The following FRMPD4 variants were observed in gnomAD, a reference collection of about 807,000 sequenced individuals.
The protein encoded by FRMPD4 is FERM and PDZ domain containing 4.
Under a neutral mutation model 94.1 loss-of-function variants are expected in FRMPD4, and 22 were observed. The observed-to-expected ratio is 0.23, with a 90% CI of 0.17 to 0.33. The LOEUF is 0.33. FRMPD4 is among the 10% of genes least tolerant of loss of function. The pLI is 1.00. For synonymous variants in FRMPD4, 631 were observed against 548.6 expected (o/e 1.15, Z -2.10); for missense variants, 1,111 against 1,339.9 (o/e 0.83, Z 2.67).
intron 1 of FRMPD4, among the ~76,000 whole-genome samples, chrX:12,392,389 G>A (rs1023623887): frequency 2.9e-5 from 3 of 102,360 alleles, no homozygotes; most frequent in Admixed American, 1.0e-4. Flanking sequence ...GGTGGCTCAC[G>A]CCTGTAATCC....
chrX:12,136,390 A>G (rs1262549763), upstream of FRMPD4, among the ~76,000 whole-genome samples: 1 of 111,130 alleles, frequency 9.0e-6, no homozygotes. Flanking sequence ...TGGGTGATAA[A>G]TGCTATGGAA....
intron 4 of FRMPD4, among the ~76,000 whole-genome samples, chrX:12,628,055 C>G (rs2059362463): frequency 9.0e-6 from 1 of 111,120 alleles, no homozygotes; most frequent in Admixed American, 9.6e-5. Flanking sequence ...ACCTTATTGC[C>G]TAGAGAGAAC....
At chrX:12,468,208 G>T (rs2057469914) in intron 1 of FRMPD4, among the ~76,000 whole-genome samples, 1 of 111,672 alleles carries the variant, frequency 9.0e-6, no homozygotes, top group Non-Finnish European at 1.9e-5. Context: ...AGGAGGATTT[G>T]CCTTACTTTA....
At chrX:12,542,334 C>A (rs778925824) in intron 2 of FRMPD4, among the ~76,000 whole-genome samples, 2 of 112,057 alleles carry the variant, frequency 1.8e-5, no homozygotes, top group East Asian at 2.8e-4. Flanking sequence ...GTATATTAGA[C>A]AACCCCATTA....
intron 1 of FRMPD4, among the ~76,000 whole-genome samples, chrX:12,165,581 G>T (rs1016898650): frequency 8.9e-6 from 1 of 111,895 alleles, no homozygotes; most frequent in Non-Finnish European, 1.9e-5. Flanking sequence ...TTCCAATTCT[G>T]TGAAGAAAGT....
intron 1 of FRMPD4, among the ~76,000 whole-genome samples, chrX:12,331,615 ATATAT>A (rs1340481160): frequency 1.8e-4 from 15 of 84,323 alleles, no homozygotes; most frequent in African/African-American, 4.9e-4. Context: ...AATATAATAT[ATATAT>A]TATATTACAT....
intron 1 of FRMPD4, among the ~76,000 whole-genome samples, chrX:12,451,956 A>C (rs1173917570): frequency 9.1e-6 from 1 of 110,143 alleles, no homozygotes; most frequent in Non-Finnish European, 1.9e-5. Context: ...CTACCTTTCT[A>C]CTATTCTCTA....
At chrX:12,229,362 TA>T (rs1180592859) in intron 1 of FRMPD4, among the ~76,000 whole-genome samples, 4 of 112,012 alleles carry the variant, frequency 3.6e-5, no homozygotes, top group Non-Finnish European at 5.6e-5. Context: ...GAGAGGAATA[TA>T]CTTATGTCAT....
At chrX:12,164,960 G>A (rs922741056) in intron 1 of FRMPD4, among the ~76,000 whole-genome samples, 10 of 112,139 alleles carry the variant, frequency 8.9e-5, no homozygotes, top group Non-Finnish European at 1.3e-4. Flanking sequence ...CCCTTTGTCA[G>A]ATGAGTAGGT....
chrX:12,237,331 A>T (rs1351801221), intron 1 of FRMPD4, among the ~76,000 whole-genome samples: 1 of 111,927 alleles, frequency 8.9e-6, no homozygotes, highest in Non-Finnish European at 1.9e-5. Context: ...TTCATCCTGA[A>T]CATGAATGAA....
chrX:12,317,070 C>T (rs2055128969), intron 1 of FRMPD4, among the ~76,000 whole-genome samples: 1 of 111,947 alleles, frequency 8.9e-6, no homozygotes, highest in African/African-American at 3.2e-5. Context: ...AGGTCTCTCA[C>T]GGCTGCATAA....
chrX:12,123,651 G>A (rs1388613220), intron 3 of FRMPD4, among the ~76,000 whole-genome samples: 4 of 111,677 alleles, frequency 3.6e-5, no homozygotes, highest in Non-Finnish European at 5.6e-5. Context: ...TCTTTGTTGT[G>A]GGGCTGTCTT....
intron 3 of FRMPD4, among the ~76,000 whole-genome samples, chrX:11,943,336 C>T (rs1443519474): frequency 3.6e-5 from 4 of 111,366 alleles, no homozygotes; most frequent in Non-Finnish European, 7.5e-5. Flanking sequence ...TTTCTTCCCC[C>T]TCTACTTTTA....
At chrX:12,401,799 G>A (rs1261929725) in intron 1 of FRMPD4, among the ~76,000 whole-genome samples, 1 of 111,679 alleles carries the variant, frequency 9.0e-6, no homozygotes, top group Non-Finnish European at 1.9e-5. Context: ...TGCACAAATA[G>A]TCCATTTACA....
intron 1 of FRMPD4, among the ~76,000 whole-genome samples, chrX:12,329,839 G>T (rs767859975): frequency 2.1e-5 from 2 of 93,643 alleles, no homozygotes; most frequent in East Asian, 3.2e-4. Context: ...TAGGTGGGTT[G>T]CCAGGACAGT....
At chrX:12,123,928 T>C (rs2055478077) in intron 3 of FRMPD4, among the ~76,000 whole-genome samples, 1 of 111,688 alleles carries the variant, frequency 9.0e-6, no homozygotes, top group African/African-American at 3.3e-5. Flanking sequence ...CTCCAATGAC[T>C]TCCCATTGCA....
intron 14 of FRMPD4, 57 bp from the exon 15 acceptor site, chrX:12,716,012 C>CCCCCCACA: frequency 2.8e-6 from 1 of 355,841 alleles, no homozygotes; most frequent in Non-Finnish European, 5.0e-6. Context: ...CCCACCCCCG[C>CCCCCCACA]CCCACCCAAA....
intron 3 of FRMPD4, among the ~76,000 whole-genome samples, chrX:12,037,228 C>T (rs1034098432): frequency 3.6e-5 from 4 of 111,793 alleles, no homozygotes; most frequent in Admixed American, 1.9e-4. Context: ...AGGAGACCTA[C>T]TTCTATACCT....
intron 1 of FRMPD4, among the ~76,000 whole-genome samples, chrX:12,253,680 G>C (rs1196433526): frequency 1.8e-5 from 2 of 111,897 alleles, no homozygotes; most frequent in African/African-American, 3.2e-5. Flanking sequence ...AATATCTTCA[G>C]AGTGCTGGGG....
Sources: gnomAD v4.1 joint callset for allele counts (sites outside exome capture counted in the v4.1 genomes callset) on GRCh38, gnomAD v4.1.1 for gene constraint, MANE v1.5 for transcripts, NCBI Gene and HGNC (gene_info 2026-07-23, HGNC 2026-07-21) for gene names.